The following LGSN variants were observed in gnomAD, a reference collection of about 807,000 sequenced individuals.
LGSN encodes lengsin.
Under a neutral mutation model 19.5 loss-of-function variants are expected in LGSN, and 21 were observed. That is an observed-to-expected ratio of 1.07 (90% CI 0.76 to 1.55). LGSN has a LOEUF of 1.55. Among genes scored for constraint, LGSN ranks in the 40% most tolerant of loss-of-function variants. The pLI, the probability that LGSN is intolerant of heterozygous loss-of-function variation, is 0.00. For missense variants in LGSN, 673 were observed against 608.5 expected, an observed-to-expected ratio of 1.11 and a Z score of -1.12; for synonymous variants, 257 against 215.6, an observed-to-expected ratio of 1.19 and a Z score of -1.68.
chr6:63,507,063 T>A, the LGSN span, among the ~76,000 whole-genome samples: 394 of 152,308 alleles, frequency 2.6e-3, 2 homozygotes, highest in Non-Finnish European at 4.2e-3. Flanking sequence ...AGGGTCCCCA[T>A]GTATCTATAC....
At chr6:63,406,623 A>G in the LGSN span, among the ~76,000 whole-genome samples, 2 of 151,624 alleles carry the variant, frequency 1.3e-5, no homozygotes, top group South Asian at 2.1e-4. Context: ...AAGAACTAGA[A>G]AAGCAAGAGC....
At chr6:63,309,411 A>C (rs559470054) in intron 1 of LGSN, among the ~76,000 whole-genome samples, 1 of 152,180 alleles carries the variant, frequency 6.6e-6, no homozygotes, top group Non-Finnish European at 1.5e-5. Context: ...CAGCCTGGGC[A>C]ACAGAGCAAG....
the LGSN span, among the ~76,000 whole-genome samples, chr6:63,544,845 T>G: frequency 1.3e-5 from 2 of 152,200 alleles, no homozygotes; most frequent in Non-Finnish European, 2.9e-5. Flanking sequence ...GATATTAACT[T>G]TGGTCACTTG....
the LGSN span, among the ~76,000 whole-genome samples, chr6:63,505,654 GTT>G: frequency 2.8e-5 from 1 of 35,962 alleles, no homozygotes; most frequent in East Asian, 6.3e-4. Flanking sequence ...ATTCTTTTTT[GTT>G]TTGTTTTGTT....
the LGSN span, among the ~76,000 whole-genome samples, chr6:63,378,131 G>A: frequency 1.3e-5 from 2 of 151,808 alleles, no homozygotes; most frequent in Non-Finnish European, 2.9e-5. Flanking sequence ...AGGTAAGCAT[G>A]ACCAAGGAAC....
At chr6:63,320,200 C>A (rs1394850506), upstream of LGSN, among the ~76,000 whole-genome samples, 1 of 152,148 alleles carries the variant, frequency 6.6e-6, no homozygotes, top group Non-Finnish European at 1.5e-5. Flanking sequence ...AAACAAAAGA[C>A]ATACAAAGCT....
At chr6:63,421,792 A>G in the LGSN span, among the ~76,000 whole-genome samples, 1 of 152,174 alleles carries the variant, frequency 6.6e-6, no homozygotes, top group Non-Finnish European at 1.5e-5. Flanking sequence ...AATAGGGAAG[A>G]AAATGAACAA....
At chr6:63,340,838 TTGTG>T in the LGSN span, among the ~76,000 whole-genome samples, 427 of 146,756 alleles carry the variant, frequency 2.9e-3, 2 homozygotes, top group South Asian at 0.013. Context: ...TTTTTATGGT[TTGTG>T]TGTGTGTGTG....
chr6:63,346,619 G>A, the LGSN span, among the ~76,000 whole-genome samples: 2 of 152,056 alleles, frequency 1.3e-5, no homozygotes, highest in Non-Finnish European at 2.9e-5. Flanking sequence ...CCTAAGGAGG[G>A]AGTCATGTGA....
chr6:63,490,353 C>T, the LGSN span, among the ~76,000 whole-genome samples: 1 of 152,128 alleles, frequency 6.6e-6, no homozygotes, highest in Non-Finnish European at 1.5e-5. Context: ...GTGAGTGGAT[C>T]CTCTCTTGGA....
chr6:63,567,220 T>A, the LGSN span, among the ~76,000 whole-genome samples: 1 of 152,230 alleles, frequency 6.6e-6, no homozygotes, highest in Non-Finnish European at 1.5e-5. Flanking sequence ...GCATCTAGAA[T>A]CCTTTCCAGA....
chr6:63,354,605 A>C, the LGSN span, among the ~76,000 whole-genome samples: 19,862 of 152,152 alleles, frequency 0.13, 2,813 homozygotes, highest in African/African-American at 0.36. Flanking sequence ...AAAACTAAAA[A>C]TAGAAATACC....
chr6:63,469,301 T>C, the LGSN span, among the ~76,000 whole-genome samples: 1 of 152,212 alleles, frequency 6.6e-6, no homozygotes, highest in Non-Finnish European at 1.5e-5. Flanking sequence ...GGCTGCTGTT[T>C]TTCTATTTTG....
the LGSN span, among the ~76,000 whole-genome samples, chr6:63,425,984 G>A: frequency 6.8e-4 from 103 of 152,098 alleles, no homozygotes; most frequent in African/African-American, 2.3e-3. Flanking sequence ...ATCTGTCTCT[G>A]TATTATTCCT....
chr6:63,379,146 T>C, the LGSN span, among the ~76,000 whole-genome samples: 2 of 151,952 alleles, frequency 1.3e-5, no homozygotes, highest in East Asian at 1.9e-4. Context: ...ATTAAAAGCA[T>C]GTGCTTTTTT....
the LGSN span, among the ~76,000 whole-genome samples, chr6:63,391,989 A>T: frequency 3.3e-5 from 5 of 152,228 alleles, no homozygotes; most frequent in African/African-American, 1.2e-4. Context: ...AAATTACAAA[A>T]CAACAACACT....
the LGSN span, among the ~76,000 whole-genome samples, chr6:63,501,087 G>T: frequency 6.6e-6 from 1 of 152,036 alleles, no homozygotes; most frequent in African/African-American, 2.4e-5. Flanking sequence ...AAAATGAGAG[G>T]AAGACTGGGC....
chr6:63,314,433 A>G (rs1369425535), intron 1 of LGSN, among the ~76,000 whole-genome samples: 3 of 152,172 alleles, frequency 2.0e-5, no homozygotes, highest in Non-Finnish European at 4.4e-5. Context: ...CAGCCAACCT[A>G]CGGCAATTTG....
chr6:63,341,705 G>A, the LGSN span, among the ~76,000 whole-genome samples: 2 of 152,134 alleles, frequency 1.3e-5, no homozygotes, highest in Non-Finnish European at 2.9e-5. Context: ...TGACATTTGA[G>A]AATGTCAGTG....
Sources: gnomAD v4.1 joint callset for allele counts (sites outside exome capture counted in the v4.1 genomes callset) on GRCh38, gnomAD v4.1.1 for gene constraint, MANE v1.5 for transcripts, NCBI Gene and HGNC (gene_info 2026-07-23, HGNC 2026-07-21) for gene names.